The following RFC3 variants were observed in gnomAD, a reference collection of about 807,000 sequenced individuals.
RFC3 encodes replication factor C subunit 3, also known as A1 38 kDa subunit.
Under a neutral mutation model 45.1 loss-of-function variants are expected in RFC3, and 41 were observed. That is an observed-to-expected ratio of 0.91 (90% confidence interval 0.71 to 1.18). RFC3 has a LOEUF of 1.18. Ranked by LOEUF, RFC3 falls within the 50% of genes most tolerant of loss-of-function variation. The pLI, the probability that RFC3 is intolerant of heterozygous loss-of-function variation, is 0.00. For synonymous variants in RFC3, 149 were observed against 144.0 expected (o/e 1.03, Z -0.25); for missense variants, 423 against 428.1 (o/e 0.99, Z 0.10).
chr13:33,851,959 T>TA (rs1278146764), intron 8 of RFC3, among the ~76,000 whole-genome samples: 1 of 152,124 alleles, frequency 6.6e-6, no homozygotes, highest in Non-Finnish European at 1.5e-5. Flanking sequence ...TCAAATTTTA[T>TA]AAAAAATGAA....
At chr13:33,922,302 A>G (rs1261516816) in intron 8 of RFC3, among the ~76,000 whole-genome samples, 1 of 152,104 alleles carries the variant, frequency 6.6e-6, no homozygotes, top group South Asian at 2.1e-4. Flanking sequence ...CAACACCACA[A>G]TCTAATTTTA....
At chr13:33,943,944 T>C (rs1168932873) in intron 8 of RFC3, among the ~76,000 whole-genome samples, 1 of 152,146 alleles carries the variant, frequency 6.6e-6, no homozygotes, top group Non-Finnish European at 1.5e-5. Flanking sequence ...GCTGTCAATT[T>C]AGGGTATGTC....
chr13:33,821,386 C>A (rs766643291), intron 2 of RFC3, 117 bp downstream of exon 2: 1 of 1,026,516 alleles, frequency 9.7e-7, no homozygotes, highest in Non-Finnish European at 1.5e-6. Context: ...AAGAATTCCA[C>A]AGGTAGTCTT....
intron 8 of RFC3, among the ~76,000 whole-genome samples, chr13:33,931,853 A>C (rs2082854776): frequency 6.6e-6 from 1 of 152,090 alleles, no homozygotes; most frequent in Non-Finnish European, 1.5e-5. Flanking sequence ...TTATAAAGTC[A>C]AATTCTGTTC....
chr13:33,882,122 A>G (rs1257724228), intron 8 of RFC3, among the ~76,000 whole-genome samples: 6 of 152,228 alleles, frequency 3.9e-5, no homozygotes, highest in African/African-American at 9.6e-5. Context: ...TAGAACAGAT[A>G]ATTTCTTTGT....
intron 8 of RFC3, among the ~76,000 whole-genome samples, chr13:33,900,577 T>C (rs1014895979): frequency 6.6e-6 from 1 of 151,404 alleles, no homozygotes; most frequent in Non-Finnish European, 1.5e-5. Context: ...AATTATGAAA[T>C]TAGTAGAAGA....
intron 8 of RFC3, among the ~76,000 whole-genome samples, chr13:33,930,567 G>A (rs1225200814): frequency 6.6e-6 from 1 of 152,068 alleles, no homozygotes; most frequent in Non-Finnish European, 1.5e-5. Context: ...TGAGTCCACT[G>A]ACTCAAATGT....
At chr13:33,960,018 A>G (rs1309709757) in intron 8 of RFC3, among the ~76,000 whole-genome samples, 6 of 151,944 alleles carry the variant, frequency 3.9e-5, no homozygotes, top group Admixed American at 2.6e-4. Context: ...GGTGCCACAC[A>G]CTTTTCAATG....
chr13:33,886,951 A>G (rs1447704306), intron 8 of RFC3, among the ~76,000 whole-genome samples: 1 of 148,646 alleles, frequency 6.7e-6, no homozygotes, highest in Non-Finnish European at 1.5e-5. Context: ...ATGTCCCTAC[A>G]AAGGACATGA....
chr13:33,835,244 T>C lies in RFC3; in HGVS notation c.879+27T>C, dbSNP rs370230014. The C allele has an allele frequency of 1.4e-5, 21 of 1,499,270 alleles. No individual in the cohort carries two copies. In the African/African-American group the frequency reaches 1.8e-4, roughly 13 times the overall value. The allele number at this position is 1,499,270 out of a possible 1,614,324, so 92.9% of individuals were successfully genotyped here. The stretch of plus-strand genomic sequence containing the variant: ...TAACCCAATTTCAGATCTTGAACTT[T>C]TTACAGCTATAAAATTTGGACGCTG... On this transcript the variant is annotated intron_variant, in intron 8 of 8. Transcript: ENST00000380071.
At chr13:33,845,121 GATTTCC>G (rs2082227991) in intron 8 of RFC3, among the ~76,000 whole-genome samples, 1 of 152,174 alleles carries the variant, frequency 6.6e-6, no homozygotes, top group African/African-American at 2.4e-5. Flanking sequence ...CTGCCTGTAA[GATTTCC>G]ATAGTGAAAT....
chr13:33,931,209 C>G (rs1369816769), intron 8 of RFC3, among the ~76,000 whole-genome samples: 1 of 152,074 alleles, frequency 6.6e-6, no homozygotes, highest in East Asian at 1.9e-4. Flanking sequence ...ACATGCTGCT[C>G]ACGATGGCAA....
intron 8 of RFC3, among the ~76,000 whole-genome samples, chr13:33,891,569 A>G (rs903127043): frequency 6.6e-6 from 1 of 152,196 alleles, no homozygotes; most frequent in Non-Finnish European, 1.5e-5. Context: ...CTAATCTAAT[A>G]TGGTAGATCA....
rs548445220 is a variant in RFC3 at position 33,923,597 on chromosome 13, A to G, written c.880-42490A>G. Among the ~76,000 whole-genome samples the G allele has an allele frequency of 2.0e-4, 31 of 152,170 alleles. No homozygotes were observed. In the South Asian group the frequency reaches 4.1e-3, roughly 20 times the overall value. The stretch of plus-strand genomic sequence containing the variant: ...GGGCTGATGCCCTGTGATTCTGGGG[A>G]TTTTGAACATAGGGCTTGAATAACA... On this transcript the variant is annotated intron_variant, in intron 8 of 8. Transcript: ENST00000434425.
At chr13:33,872,792 A>AACCCC (rs1555235482) in intron 8 of RFC3, among the ~76,000 whole-genome samples, 1 of 97,440 alleles carries the variant, frequency 1.0e-5, no homozygotes, top group Non-Finnish European at 1.9e-5. Context: ...AAGAAACCAA[A>AACCCC]CCCCCCCCCC....
chr13:33,862,645 A>T (rs895298306), intron 8 of RFC3, among the ~76,000 whole-genome samples: 1 of 152,184 alleles, frequency 6.6e-6, no homozygotes, highest in Non-Finnish European at 1.5e-5. Context: ...TATGTATTAC[A>T]TATTCATGTA....
chr13:33,916,159 T>C (rs769478360), intron 8 of RFC3, among the ~76,000 whole-genome samples: 2 of 152,202 alleles, frequency 1.3e-5, no homozygotes, highest in African/African-American at 2.4e-5. Context: ...GTGAGGAACA[T>C]GCTTGCTTGC....
rs571576852 is a variant in RFC3 at position 33,925,329 on chromosome 13, T to C, written c.880-40758T>C. Among the ~76,000 whole-genome samples, 172 of 49,212 alleles carry C rather than the reference T, an allele frequency of 3.5e-3. 7 individuals are homozygous for C. The highest frequency in any genetic ancestry group is 7.5e-3 in the African/African-American group (166 of 22,128). 32.3% of individuals were successfully genotyped at this position (49,212 alleles called of 152,430 possible). A position where few individuals can be genotyped will look rare whatever the true frequency, so the allele number is the denominator to read the frequency against. On this transcript the variant is annotated intron_variant, in intron 8 of 8. Transcript: ENST00000434425. The stretch of plus-strand genomic sequence containing the variant: ...ATATAGTGTACTATATACATACACA[T>C]ATAGTGTACTATATACATACATATA...
At chr13:33,972,595 C>T in the RFC3 span, among the ~76,000 whole-genome samples, 1 of 152,184 alleles carries the variant, frequency 6.6e-6, no homozygotes, top group Non-Finnish European at 1.5e-5. Context: ...GTCCCTGTCA[C>T]AATCTATTCA....
Sources: gnomAD v4.1 joint callset for allele counts (sites outside exome capture counted in the v4.1 genomes callset) on GRCh38, gnomAD v4.1.1 for gene constraint, MANE v1.5 for transcripts, NCBI Gene and HGNC (gene_info 2026-07-23, HGNC 2026-07-21) for gene names.